WDR59: variants seen among roughly 807,000 people sequenced by gnomAD.
The protein encoded by WDR59 is GATOR2 complex protein WDR59.
Under a neutral mutation model 131.2 loss-of-function variants are expected in WDR59, and 100 were observed. That is an observed-to-expected ratio of 0.76 (90% CI 0.65 to 0.90). WDR59 has a LOEUF of 0.90. Among genes scored for constraint, WDR59 ranks in the 40% least tolerant of loss-of-function variants. The pLI, the probability that WDR59 is intolerant of heterozygous loss-of-function variation, is 0.00. For synonymous variants in WDR59, 601 were observed against 466.2 expected (o/e 1.29, Z -3.72); for missense variants, 1,203 against 1,262.2 (o/e 0.95, Z 0.71).
At chr16:74,935,945 C>T (rs1316278968) in intron 8 of WDR59, among the ~76,000 whole-genome samples, 4 of 150,832 alleles carry the variant, frequency 2.7e-5, no homozygotes, top group Non-Finnish European at 4.4e-5. Context: ...TGCAGTGAGC[C>T]GAGATCGCGC....
At chr16:74,918,974 C>T (rs1049002019) in intron 10 of WDR59, among the ~76,000 whole-genome samples, 1 of 152,210 alleles carries the variant, frequency 6.6e-6, no homozygotes, top group African/African-American at 2.4e-5. Flanking sequence ...GTTACAAGTG[C>T]CACCATCTTG....
chr16:74,903,094 T>C (rs1965630523), intron 18 of WDR59, among the ~76,000 whole-genome samples: 1 of 152,192 alleles, frequency 6.6e-6, no homozygotes, highest in African/African-American at 2.4e-5. Flanking sequence ...GCAATCGAAC[T>C]GAAGGAACTT....
intron 7 of WDR59, among the ~76,000 whole-genome samples, chr16:74,938,665 T>G (rs2031990648): frequency 6.6e-6 from 1 of 152,046 alleles, no homozygotes; most frequent in Admixed American, 6.6e-5. Context: ...GCCCTCCAAG[T>G]AGCTGGGACT....
At chr16:74,909,460 T>C (rs1218810632) in intron 16 of WDR59, 41 bp downstream of exon 16, 2 of 1,505,184 alleles carry the variant, frequency 1.3e-6, no homozygotes. Context: ...TCTTAGCTGC[T>C]CCCTCTCGAA....
At chr16:74,917,885 G>T in intron 11 of WDR59, 44 bp downstream of exon 11, 1 of 1,504,608 alleles carries the variant, frequency 6.6e-7, no homozygotes, top group Non-Finnish European at 9.1e-7. Flanking sequence ...TACACTTTTT[G>T]GTGGATTCAG....
intron 3 of WDR59, among the ~76,000 whole-genome samples, chr16:74,952,216 A>C (rs1306856023): frequency 2.0e-5 from 3 of 151,928 alleles, no homozygotes; most frequent in Non-Finnish European, 1.5e-5. Context: ...GCACTTTAAG[A>C]GGCTGCTTGA....
At chr16:74,885,873 C>G in intron 24 of WDR59, 78 bp from the exon 25 acceptor site, 1 of 1,538,542 alleles carries the variant, frequency 6.5e-7, no homozygotes, top group Non-Finnish European at 8.8e-7. Context: ...CTTAATATAC[C>G]CTTCTTAAAG....
chr16:74,908,077 T>A (rs1413201262), intron 17 of WDR59, among the ~76,000 whole-genome samples: 2 of 152,142 alleles, frequency 1.3e-5, no homozygotes, highest in African/African-American at 4.8e-5. Flanking sequence ...TAAACATGAT[T>A]CTCTCTAAAA....
chr16:74,909,581 C>T lies in WDR59; in HGVS notation c.1562G>A (p.Arg521Gln), dbSNP rs1263684635. The T allele has an allele frequency of 3.7e-6, 6 of 1,610,714 alleles. No homozygotes were observed. Among genetic ancestry groups the T allele is most frequent in the Non-Finnish European group, 3.4e-6 (4 of 1,178,794 alleles). The change falls in exon 16 of 26, where the codon CGG becomes CAG. Residue 521 changes from arginine to glutamine, a missense_variant. Transcript: ENST00000262144. ...SVTPPLPTFA[R>Q]VTTAYGSYQD... ...GTACGACCCGTAAGCCGTGGTCACC[C>T]GCGCAAACGTCGGTAAGGGGGGAGT...
intron 25 of WDR59, among the ~76,000 whole-genome samples, chr16:74,884,892 G>C (rs975860718): frequency 5.3e-5 from 8 of 152,108 alleles, no homozygotes; most frequent in African/African-American, 1.9e-4. Context: ...CTCCTTGGAG[G>C]CCTTCTCAAC....
rs1400043021 is a variant in WDR59 at position 74,930,973 on chromosome 16, C to CA, written c.652-6971dup. On this transcript the variant is annotated intron_variant, in intron 8 of 25. Coordinates refer to ENST00000262144, the MANE Select transcript of WDR59 (RefSeq NM_030581.4). ...ATGTCTCGGAGCAAGACTCCATCTC[C>CA]AAAAAAAAAGGAAAAAGGGAAGAAA... Among the ~76,000 whole-genome samples the CA allele has an allele frequency of 6.5e-4, 94 of 143,796 alleles. No homozygotes were observed. In the Middle Eastern group the frequency reaches 0.011, roughly 17 times the overall value. 94.3% of individuals were successfully genotyped at this position (143,796 alleles called of 152,430 possible). A position where few individuals can be genotyped will look rare whatever the true frequency, so the allele number is the denominator to read the frequency against.
At position 74,898,531 on chromosome 16, in the gene WDR59, G is replaced by A. The variant is rs1034393307; in HGVS notation, c.1867-4719C>T. Among the ~76,000 whole-genome samples the A allele has an allele frequency of 2.6e-5, 4 of 152,216 alleles. No individual in the cohort carries two copies. In the South Asian group the frequency reaches 8.3e-4, roughly 32 times the overall value. On this transcript the variant is annotated intron_variant, in intron 18 of 25. Transcript: ENST00000262144. ...GGTGTTCATGGAGTTATGGCAAAGA[G>A]GACAAGGAAGAACGGAGTGGGGTGG...
rs952908737 is a variant in WDR59, at chr16:74,892,474, T to C, written c.2082+10A>G. ...AAATCCAAATCTCCACCAAAAGGGATGGACAATACCTGGACAAGATCCTTT... is the reference window on the plus strand; with the variant it reads ...AAATCCAAATCTCCACCAAAAGGGACGGACAATACCTGGACAAGATCCTTT... On this transcript the variant is annotated intron_variant, in intron 20 of 25. Transcript: ENST00000262144. The C allele has an allele frequency of 1.2e-6, 2 of 1,611,160 alleles. No homozygotes were observed. Among genetic ancestry groups the C allele is most frequent in the Non-Finnish European group, 1.7e-6 (2 of 1,178,320 alleles).
chr16:74,984,971 T>C lies in WDR59; in HGVS notation c.47A>G (p.Asp16Gly). 1 of 1,603,310 alleles carries C rather than the reference T, an allele frequency of 6.2e-7. No homozygotes were observed. The highest frequency in any genetic ancestry group is 8.5e-7 in the Non-Finnish European group (1 of 1,175,278). ...SSENVVVEFR[D>G]SQATAMSVDC... Reference sequence around the variant, plus strand: ...ACTCGGCCTCTAGCTCACCTGGGAGTCACGGAACTCTACAACCACGTTTTC... The same window carrying C: ...ACTCGGCCTCTAGCTCACCTGGGAGCCACGGAACTCTACAACCACGTTTTC... Residue 16 changes from aspartate to glycine, a missense_variant, in exon 1 of 26, where the codon GAC becomes GGC. Transcript: ENST00000262144.
chr16:74,937,614 G>A (rs530743510), intron 8 of WDR59, among the ~76,000 whole-genome samples: 1 of 152,194 alleles, frequency 6.6e-6, no homozygotes, highest in Admixed American at 6.5e-5. Flanking sequence ...CGATTCTTGT[G>A]TCTCAGCCTC....
chr16:74,950,332 C>G (rs2032923168), intron 4 of WDR59, among the ~76,000 whole-genome samples: 1 of 143,940 alleles, frequency 6.9e-6, no homozygotes, highest in African/African-American at 2.9e-5. Flanking sequence ...CATCTCAAAA[C>G]AAACAAACAA....
chr16:74,889,701 A>G lies in WDR59; in HGVS notation c.2195+2T>C. The G allele has an allele frequency of 2.5e-6, 4 of 1,612,482 alleles. No homozygotes were observed. The highest frequency in any genetic ancestry group is 3.4e-6 in the Non-Finnish European group (4 of 1,179,310). On this transcript the variant is annotated splice_donor_variant, in intron 21 of 25. Transcript: ENST00000262144. LOFTEE classifies it high-confidence loss of function. ...TTCTCATTTTTAGCTCTCAAAACCTACAGGGACTCCAGCAGCTGCCGCCCA... is the reference window on the plus strand; with the variant it reads ...TTCTCATTTTTAGCTCTCAAAACCTGCAGGGACTCCAGCAGCTGCCGCCCA...
intron 6 of WDR59, among the ~76,000 whole-genome samples, chr16:74,943,666 TG>T (rs2032400366): frequency 6.6e-6 from 1 of 152,184 alleles, no homozygotes; most frequent in South Asian, 2.1e-4. Flanking sequence ...CTCCTGCCCT[TG>T]CTCACAGCAC....
chr16:74,886,390 C>G lies in WDR59; in HGVS notation c.2426G>C (p.Arg809Thr). Residue 809 changes from arginine to threonine, a missense_variant, in exon 24 of 26, where the codon AGA (arginine) becomes ACA (threonine). Coordinates refer to ENST00000262144, the MANE Select transcript of WDR59 (RefSeq NM_030581.4). The part of the protein sequence containing the change: ...LNTGGWNIAG[R>T]EAEHLSSPWG... ...AGGGGAGGACAAGTGCTCTGCCTCT[C>G]TTCCCGCTGAAGAAAATCAAATGGG... The G allele has an allele frequency of 6.2e-7, 1 of 1,612,288 alleles. No individual in the cohort carries two copies. Among genetic ancestry groups the G allele is most frequent in the Non-Finnish European group, 8.5e-7 (1 of 1,179,600 alleles).
Sources: gnomAD v4.1 joint callset for allele counts (sites outside exome capture counted in the v4.1 genomes callset) on GRCh38, gnomAD v4.1.1 for gene constraint, MANE v1.5 for transcripts, NCBI Gene and HGNC (gene_info 2026-07-23, HGNC 2026-07-21) for gene names.